The following DDHD2 variants were observed in gnomAD, a reference collection of about 807,000 sequenced individuals.
DDHD2 encodes triacylglycerol hydrolase DDHD2.
In DDHD2, 62 loss-of-function variants were observed where a neutral mutation model predicts 91.2. The observed-to-expected ratio is 0.68, with a 90% CI of 0.55 to 0.84. DDHD2 has a LOEUF of 0.84. Ranked by LOEUF, DDHD2 falls within the 40% of genes least tolerant of loss-of-function variation. The pLI is 0.00. For missense variants in DDHD2, 740 were observed against 846.9 expected, an observed-to-expected ratio of 0.87 and a Z score of 1.57; for synonymous variants, 271 against 293.9, an observed-to-expected ratio of 0.92 and a Z score of 0.80.
intron 7 of DDHD2, among the ~76,000 whole-genome samples, chr8:38,245,314 T>C (rs1805537788): frequency 6.6e-6 from 1 of 151,842 alleles, no homozygotes; most frequent in Non-Finnish European, 1.5e-5. Context: ...TGCCTGCAAT[T>C]CCAGCTATTT....
In DDHD2 at chr8:38,237,574, A is replaced by G. The variant is rs767833692; in HGVS notation, c.448A>G (p.Lys150Glu). Reference protein sequence around the residue: ...YMLAVTLDEWKKKLESPNREI... With the variant: ...YMLAVTLDEWEKKLESPNREI... ...GCTTGCTGTAACTTTGGATGAATGG[A>G]AAAAGAAACTGGAATCTCCCAACAG... The change falls in exon 4 of 18, where the codon AAA becomes GAA. Residue 150 changes from lysine to glutamate, a missense_variant. Lys to Glu is a moderately conservative substitution (Grantham distance 56). This residue lies in a region of DDHD2 where 693 missense variants were observed against 764.2 expected (regional missense o/e 0.91). Transcript: ENST00000397166. The G allele has an allele frequency of 1.4e-5, 23 of 1,597,670 alleles. No individual in the cohort carries two copies. The highest frequency in any genetic ancestry group is 1.7e-5 in the Non-Finnish European group (20 of 1,171,434).
chr8:38,245,443 AAAAG>A (rs1237200736), intron 7 of DDHD2, among the ~76,000 whole-genome samples: 2 of 152,086 alleles, frequency 1.3e-5, no homozygotes, highest in African/African-American at 4.8e-5. Flanking sequence ...AAAAAAAAAA[AAAAG>A]AAAAGTCTCT....
At position 38,252,817 on chromosome 8, in the gene DDHD2, G is replaced by A. The variant is rs753720752; in HGVS notation, c.1713G>A (p.Met571Ile). 1.9e-6 allele frequency: 3 copies of A among 1,613,866 alleles called. No individual in the cohort carries two copies. The highest frequency in any genetic ancestry group is 2.5e-6 in the Non-Finnish European group (3 of 1,179,900). ...CACATCATAAAGGCAGGAAGCGGAT[G>A]CACTTAGGTAAGTCCGAGCATAGAA... ...LIPHHKGRKR[M>I]HLELREGLTR... The change falls in exon 14 of 18, where the codon ATG becomes ATA. Residue 571 changes from methionine to isoleucine, a missense_variant. This residue lies in a region of DDHD2 where 693 missense variants were observed against 764.2 expected (regional missense o/e 0.91). Coordinates refer to ENST00000397166, the MANE Select transcript of DDHD2 (RefSeq NM_015214.3).
intron 1 of DDHD2, chr8:38,269,264 G>A (rs975773264): frequency 7.4e-7 from 1 of 1,360,084 alleles, no homozygotes; most frequent in Non-Finnish European, 9.5e-7. Flanking sequence ...GCCGGGCCGG[G>A]AACTGGGCAC....
intron 7 of DDHD2, among the ~76,000 whole-genome samples, chr8:38,245,471 T>G (rs1412625299): frequency 1.3e-5 from 2 of 152,112 alleles, no homozygotes; most frequent in African/African-American, 4.8e-5. Context: ...ATTTATTTTC[T>G]TGATTACCAC....
intron 13 of DDHD2, 114 bp from the exon 14 acceptor site, chr8:38,252,608 C>T: frequency 1.3e-6 from 1 of 767,978 alleles, no homozygotes; most frequent in African/African-American, 1.8e-5. Flanking sequence ...CACCACTGCA[C>T]TCCAGCCTGG....
intron 16 of DDHD2, among the ~76,000 whole-genome samples, chr8:38,255,019 G>A (rs920804054): frequency 2.6e-5 from 4 of 152,072 alleles, no homozygotes; most frequent in Admixed American, 6.5e-5. Flanking sequence ...CCAACATGGC[G>A]AAATCCTGTC....
intron 5 of DDHD2, 71 bp from the exon 6 acceptor site, chr8:38,240,204 T>C (rs1282366895): frequency 1.4e-5 from 12 of 873,712 alleles, no homozygotes; most frequent in Admixed American, 2.2e-5. Flanking sequence ...TTTATAACCT[T>C]TTCATGATGA....
chr8:38,248,399 G>A (rs988756790), intron 10 of DDHD2, among the ~76,000 whole-genome samples: 3 of 144,954 alleles, frequency 2.1e-5, no homozygotes, highest in East Asian at 2.0e-4. Context: ...CATTTTTGTC[G>A]TGCCTTTTTC....
intron 16 of DDHD2, among the ~76,000 whole-genome samples, chr8:38,258,293 C>T (rs1205220847): frequency 6.6e-5 from 10 of 151,018 alleles, no homozygotes; most frequent in Non-Finnish European, 5.9e-5. Flanking sequence ...GCTGTGTTGC[C>T]CAGGCTGAAG....
Position 38,248,068 on chromosome 8 carries a change from C to T in DDHD2, c.1248+233C>T, listed in dbSNP as rs114260020. ...GAGCAATGGAGCAGACTAACCAGTACGGCTCATAGAAAACATGAGTGCAAG... is the reference window on the plus strand; with the variant it reads ...GAGCAATGGAGCAGACTAACCAGTATGGCTCATAGAAAACATGAGTGCAAG... On this transcript the variant is annotated intron_variant, in intron 10 of 17. Coordinates refer to ENST00000397166, the MANE Select transcript of DDHD2 (RefSeq NM_015214.3). Among the ~76,000 whole-genome samples, 223 of 152,282 alleles carry T rather than the reference C, an allele frequency of 1.5e-3. 2 individuals are homozygous for T. The highest frequency in any genetic ancestry group is 4.6e-3 in the African/African-American group (192 of 41,542).
At chr8:38,269,812 C>T (rs1402164392) in intron 1 of DDHD2, 1 of 152,208 alleles carries the variant, frequency 6.6e-6, no homozygotes, top group Non-Finnish European at 1.5e-5. Context: ...GCAAAAAACA[C>T]ATTGGAATTC....
At chr8:38,267,549 C>G (rs774985903), downstream of DDHD2, 7 of 838,744 alleles carry the variant, frequency 8.3e-6, no homozygotes, top group Non-Finnish European at 1.3e-5. Flanking sequence ...AAGAGAAAAG[C>G]CTTTCAAGGT....
At chr8:38,247,584 T>C (rs1805746454) in intron 9 of DDHD2, 129 bp from the exon 10 acceptor site, 1 of 532,718 alleles carries the variant, frequency 1.9e-6, no homozygotes. Context: ...ATTTATATCT[T>C]GCATAAATGA....
intron 7 of DDHD2, among the ~76,000 whole-genome samples, chr8:38,244,091 C>T (rs1255296918): frequency 5.3e-5 from 8 of 152,164 alleles, no homozygotes; most frequent in Non-Finnish European, 1.5e-5. Flanking sequence ...GCGTGAGCCA[C>T]CATGCCTGGC....
intron 11 of DDHD2, 89 bp from the exon 12 acceptor site, chr8:38,251,823 C>A: frequency 2.3e-6 from 2 of 861,004 alleles, no homozygotes; most frequent in South Asian, 1.5e-5. Context: ...ATCCTACCTA[C>A]CTACCTACCT....
intron 7 of DDHD2, 68 bp from the exon 8 acceptor site, chr8:38,245,674 G>A (rs1805580249): frequency 1.5e-6 from 2 of 1,374,040 alleles, no homozygotes; most frequent in Non-Finnish European, 1.0e-6. Flanking sequence ...AAGCTTGAAG[G>A]CTTAAAATTG....
At chr8:38,243,211 A>G (rs1240921405) in intron 7 of DDHD2, among the ~76,000 whole-genome samples, 4 of 152,204 alleles carry the variant, frequency 2.6e-5, no homozygotes, top group Non-Finnish European at 1.5e-5. Flanking sequence ...TATTTGAGGA[A>G]TCTTTCTGGG....
chr8:38,269,533 A>G (rs1244722898), intron 1 of DDHD2, among the ~76,000 whole-genome samples: 1 of 152,174 alleles, frequency 6.6e-6, no homozygotes, highest in Non-Finnish European at 1.5e-5. Flanking sequence ...TGGAAAACCA[A>G]ACAGCCCGCT....
Sources: allele counts gnomAD v4.1 joint callset (sites outside exome capture counted in the v4.1 genomes callset), GRCh38; gene constraint gnomAD v4.1.1; regional missense constraint gnomAD v4.1.1; transcripts MANE v1.5; gene names NCBI Gene and HGNC (gene_info 2026-07-23, HGNC 2026-07-21).